SLCO1A2: variants seen among roughly 807,000 people sequenced by gnomAD.
SLCO1A2 encodes solute carrier organic anion transporter family member 1A2.
SLCO1A2 carries 67 observed loss-of-function variants against 69.0 expected under a neutral mutation model. The observed-to-expected ratio is 0.97, with a 90% CI of 0.80 to 1.19. SLCO1A2 has a LOEUF of 1.19. Among genes scored for constraint, SLCO1A2 ranks in the 50% most tolerant of loss-of-function variants. The pLI, the probability that SLCO1A2 is intolerant of heterozygous loss-of-function variation, is 0.00. For missense variants in SLCO1A2, 787 were observed against 793.7 expected (o/e 0.99, Z 0.10); for synonymous variants, 260 against 265.9 (o/e 0.98, Z 0.22).
upstream of SLCO1A2, among the ~76,000 whole-genome samples, chr12:21,397,270 CAAAG>C (rs1172552244): frequency 5.4e-4 from 82 of 150,976 alleles, no homozygotes; most frequent in East Asian, 0.015. Flanking sequence ...TCAAAAGAGA[CAAAG>C]AAGGCCATTA....
chr12:21,313,982 T>TAA lies in SLCO1A2; in HGVS notation c.335+565_335+566dup, dbSNP rs71043263. On this transcript the variant is annotated intron_variant, in intron 4 of 14. Coordinates refer to ENST00000683939, the MANE Select transcript of SLCO1A2 (RefSeq NM_001386879.1). ...GTCTCAAAAAAATAATAATAAATAA[T>TAA]AAAAAAAAAAAACAGAAAAAAAAGA... Among the ~76,000 whole-genome samples, 569 of 136,448 alleles carry TAA rather than the reference T, an allele frequency of 4.2e-3. 3 individuals carry two copies. Among genetic ancestry groups the TAA allele is most frequent in the East Asian group, 0.017 (78 of 4,640 alleles). The allele number at this position is 136,448 out of a possible 152,430, so 89.5% of individuals were successfully genotyped here. A position where few individuals can be genotyped will look rare whatever the true frequency, so the allele number is the denominator to read the frequency against.
chr12:21,303,309 GT>G (rs1591817532), intron 6 of SLCO1A2, among the ~76,000 whole-genome samples: 1 of 152,128 alleles, frequency 6.6e-6, no homozygotes, highest in African/African-American at 2.4e-5. Context: ...ATAGCAAGGT[GT>G]TTGTTAATTT....
At chr12:21,299,372 A>G (rs1484725271) in intron 8 of SLCO1A2, among the ~76,000 whole-genome samples, 2 of 132,638 alleles carry the variant, frequency 1.5e-5, no homozygotes, top group Non-Finnish European at 3.0e-5. Context: ...GTTCTGTACC[A>G]AAAAAAATGT....
chr12:21,282,653 A>G (rs560335221), intron 12 of SLCO1A2, among the ~76,000 whole-genome samples: 22 of 152,096 alleles, frequency 1.4e-4, no homozygotes, highest in Non-Finnish European at 2.4e-4. Flanking sequence ...TCAAATTATC[A>G]TTGTTCATAG....
Position 21,357,186 on chromosome 12 carries a change from CAG to C in SLCO1A2, c.-63+17211_-63+17212del, listed in dbSNP as rs370493113. Among the ~76,000 whole-genome samples the C allele has an allele frequency of 7.2e-4, 109 of 152,230 alleles. 2 individuals are homozygous for C. The South Asian group carries it at 0.022, about 31-fold the overall frequency. Reference sequence around the variant, plus strand: ...CTCAGAATGAAACCACATTTGTAAACAGAGTTATTTCCAAAGTAATTGTTAAG... The same window carrying C: ...CTCAGAATGAAACCACATTTGTAAACAGTTATTTCCAAAGTAATTGTTAAG... On this transcript the variant is annotated intron_variant, in intron 2 of 15. Transcript: ENST00000307378.
At chr12:21,401,904 T>G (rs939118020) in intron 1 of SLCO1A2, among the ~76,000 whole-genome samples, 2 of 151,512 alleles carry the variant, frequency 1.3e-5, no homozygotes, top group Non-Finnish European at 3.0e-5. Flanking sequence ...AATATACATA[T>G]ACATAATAAA....
intron 1 of SLCO1A2, among the ~76,000 whole-genome samples, chr12:21,381,447 A>G (rs1940581834): frequency 6.6e-6 from 1 of 152,228 alleles, no homozygotes; most frequent in Non-Finnish European, 1.5e-5. Flanking sequence ...AGGGAAATGC[A>G]AATCAAAACC....
intron 3 of SLCO1A2, among the ~76,000 whole-genome samples, chr12:21,316,552 C>T (rs1254705131): frequency 7.6e-5 from 11 of 145,062 alleles, no homozygotes; most frequent in African/African-American, 2.5e-4. Flanking sequence ...ACTGCTGATA[C>T]TTTTTTTTTT....
At chr12:21,320,000 A>C (rs1246438689) in intron 2 of SLCO1A2, among the ~76,000 whole-genome samples, 4 of 152,218 alleles carry the variant, frequency 2.6e-5, no homozygotes, top group African/African-American at 9.6e-5. Flanking sequence ...TGAACAAATT[A>C]TAGATAGATT....
intron 2 of SLCO1A2, among the ~76,000 whole-genome samples, chr12:21,370,919 A>C (rs1939739332): frequency 6.6e-6 from 1 of 152,184 alleles, no homozygotes; most frequent in Admixed American, 6.5e-5. Context: ...TTGTTCATGA[A>C]AGAGTTCAGG....
intron 1 of SLCO1A2, among the ~76,000 whole-genome samples, chr12:21,415,181 C>T (rs1591923712): frequency 6.6e-6 from 1 of 151,896 alleles, no homozygotes; most frequent in Non-Finnish European, 1.5e-5. Context: ...GTTTGTCCCA[C>T]TTTTTGTTTT....
At chr12:21,383,914 C>T (rs1285342496) in intron 1 of SLCO1A2, among the ~76,000 whole-genome samples, 1 of 152,052 alleles carries the variant, frequency 6.6e-6, no homozygotes, top group Non-Finnish European at 1.5e-5. Context: ...TGGTTGAATA[C>T]ATTTACTCTA....
intron 2 of SLCO1A2, among the ~76,000 whole-genome samples, chr12:21,331,524 C>T (rs891305919): frequency 6.6e-6 from 1 of 151,764 alleles, no homozygotes; most frequent in Non-Finnish European, 1.5e-5. Flanking sequence ...AACAAAAAAC[C>T]CCAACAATAT....
At chr12:21,348,807 G>T (rs868105873) in intron 2 of SLCO1A2, among the ~76,000 whole-genome samples, 16 of 152,102 alleles carry the variant, frequency 1.1e-4, no homozygotes, top group Non-Finnish European at 1.6e-4. Flanking sequence ...GATTTTTAGG[G>T]CAGTGCAGCT....
At chr12:21,388,255 T>C (rs1940983752) in intron 1 of SLCO1A2, among the ~76,000 whole-genome samples, 1 of 152,012 alleles carries the variant, frequency 6.6e-6, no homozygotes, top group African/African-American at 2.4e-5. Flanking sequence ...ACATTGTGTT[T>C]TGAAATGTGA....
At chr12:21,346,973 C>CA (rs765508343) in intron 2 of SLCO1A2, among the ~76,000 whole-genome samples, 1,699 of 125,164 alleles carry the variant, frequency 0.014, 8 homozygotes, top group Middle Eastern at 0.021. Context: ...TTCAAACATC[C>CA]AAAAAAAAAA....
upstream of SLCO1A2, among the ~76,000 whole-genome samples, chr12:21,399,867 A>T (rs1300885447): frequency 6.8e-6 from 1 of 147,824 alleles, no homozygotes; most frequent in East Asian, 2.0e-4. Context: ...CCTTATACAA[A>T]AATCAATTCA....
intron 2 of SLCO1A2, among the ~76,000 whole-genome samples, chr12:21,364,324 A>T (rs1939193582): frequency 6.6e-6 from 1 of 152,236 alleles, no homozygotes; most frequent in African/African-American, 2.4e-5. Context: ...AGATGAAGAA[A>T]AGGCCTTTGA....
At chr12:21,369,304 C>A (rs1939616916) in intron 2 of SLCO1A2, among the ~76,000 whole-genome samples, 1 of 152,038 alleles carries the variant, frequency 6.6e-6, no homozygotes, top group Non-Finnish European at 1.5e-5. Context: ...GACTTGGAGT[C>A]ATTTACTTCT....
Sources: gnomAD v4.1 joint callset for allele counts (sites outside exome capture counted in the v4.1 genomes callset) on GRCh38, gnomAD v4.1.1 for gene constraint, MANE v1.5 for transcripts, NCBI Gene and HGNC (gene_info 2026-07-23, HGNC 2026-07-21) for gene names.